Variants in AFF2 observed in about 807,000 individuals in gnomAD.
AFF2 encodes the protein AF4/FMR2 family member 2.
Under a neutral mutation model 76.9 loss-of-function variants are expected in AFF2, and 14 were observed. The observed-to-expected ratio is 0.18, with a 90% CI of 0.12 to 0.28. The LOEUF is 0.28. AFF2 is among the 10% of genes least tolerant of loss of function. The pLI is 1.00. For missense variants in AFF2, 868 were observed against 1,001.1 expected, an observed-to-expected ratio of 0.87 and a Z score of 1.79; for synonymous variants, 398 against 366.7, an observed-to-expected ratio of 1.09 and a Z score of -0.98.
Position 148,662,045 on chromosome X carries a change from C to T in AFF2, c.318C>T (p.Pro106=). 8.3e-7 allele frequency: 1 copy of T among 1,210,894 alleles called. No individual in the cohort carries two copies. The highest frequency in any genetic ancestry group is 1.1e-6 in the Non-Finnish European group (1 of 894,778). The change falls in exon 3 of 21, where the codon CCC becomes CCT. Residue 106 remains proline (P), a synonymous_variant. Transcript: ENST00000370460. ...CAAAGAATTCTGTGCCCCAGAATCC[C>T]AACAACAAAAATGAACCAAGCTTTT... ...GIPKNSVPQN[P]NNKNEPSFFP...
At chrX:148,766,069 A>G (rs1241640463) in intron 3 of AFF2, among the ~76,000 whole-genome samples, 5 of 110,335 alleles carry the variant, frequency 4.5e-5, no homozygotes, top group Non-Finnish European at 9.5e-5. Flanking sequence ...ATTCCATGGT[A>G]TATATGTGCC....
At chrX:148,757,105 G>C (rs781986444) in intron 3 of AFF2, among the ~76,000 whole-genome samples, 49 of 112,396 alleles carry the variant, frequency 4.4e-4, no homozygotes, top group Non-Finnish European at 2.1e-4. Context: ...AGTACTGGCC[G>C]CCATGGCCAG....
intron 8 of AFF2, among the ~76,000 whole-genome samples, chrX:148,901,392 A>G (rs2071352904): frequency 3.6e-5 from 4 of 112,553 alleles, no homozygotes; most frequent in African/African-American, 1.3e-4. Flanking sequence ...TTTTAAAAGC[A>G]TATAGACGTT....
At chrX:148,772,774 T>C (rs180684323) in intron 3 of AFF2, among the ~76,000 whole-genome samples, 4 of 111,496 alleles carry the variant, frequency 3.6e-5, no homozygotes. Flanking sequence ...TATTTTACAT[T>C]GTCATGGAGT....
chrX:148,527,815 A>G (rs1557235418), intron 1 of AFF2, among the ~76,000 whole-genome samples: 1 of 111,822 alleles, frequency 8.9e-6, no homozygotes, highest in Non-Finnish European at 1.9e-5. Context: ...GGTCCCTTCT[A>G]AGTCACCTGA....
At chrX:148,548,585 C>A (rs781913618) in intron 1 of AFF2, among the ~76,000 whole-genome samples, 1 of 111,586 alleles carries the variant, frequency 9.0e-6, no homozygotes, top group East Asian at 2.8e-4. Flanking sequence ...CAGGCATGTG[C>A]CACCACACCA....
intron 3 of AFF2, among the ~76,000 whole-genome samples, chrX:148,800,215 ACT>A (rs2070039044): frequency 8.9e-6 from 1 of 111,920 alleles, no homozygotes; most frequent in African/African-American, 3.2e-5. Flanking sequence ...AGCAATTGTA[ACT>A]CTGTTTCTGT....
chrX:148,912,901 A>G (rs1160265153), intron 9 of AFF2, among the ~76,000 whole-genome samples: 1 of 112,718 alleles, frequency 8.9e-6, no homozygotes, highest in East Asian at 2.8e-4. Context: ...CAAGATAATG[A>G]GGCACCCTCA....
intron 3 of AFF2, among the ~76,000 whole-genome samples, chrX:148,743,736 G>A (rs1433991172): frequency 9.0e-6 from 1 of 111,340 alleles, no homozygotes; most frequent in Non-Finnish European, 1.9e-5. Flanking sequence ...GAGCTCTAAT[G>A]AGGTCTTTAA....
intron 1 of AFF2, among the ~76,000 whole-genome samples, chrX:148,539,279 T>G (rs1397729561): frequency 9.0e-6 from 1 of 111,226 alleles, no homozygotes; most frequent in Non-Finnish European, 1.9e-5. Context: ...CCCTCCCCAT[T>G]TTATGGATGA....
intron 4 of AFF2, among the ~76,000 whole-genome samples, chrX:148,831,047 C>A (rs2070448140): frequency 8.9e-6 from 1 of 112,387 alleles, no homozygotes; most frequent in Non-Finnish European, 1.9e-5. Flanking sequence ...GTGATATTTT[C>A]CTATTTGCTT....
At chrX:148,666,931 A>G (rs2054366555) in intron 3 of AFF2, among the ~76,000 whole-genome samples, 1 of 112,514 alleles carries the variant, frequency 8.9e-6, no homozygotes, top group Non-Finnish European at 1.9e-5. Context: ...TGTTATTAGT[A>G]TAGCTTGCCA....
intron 1 of AFF2, among the ~76,000 whole-genome samples, chrX:148,515,398 A>C (rs983790453): frequency 8.9e-6 from 1 of 112,459 alleles, no homozygotes; most frequent in African/African-American, 3.2e-5. Context: ...TGCTTTAGCT[A>C]ATAAAGCCAT....
chrX:148,846,593 G>A (rs990208785), intron 7 of AFF2, among the ~76,000 whole-genome samples: 82 of 111,468 alleles, frequency 7.4e-4, no homozygotes, highest in African/African-American at 2.6e-3. Context: ...AAGACCAGAA[G>A]TTGGTCTCCC....
chrX:148,904,631 T>C (rs1302313196), intron 9 of AFF2, among the ~76,000 whole-genome samples: 1 of 112,485 alleles, frequency 8.9e-6, no homozygotes, highest in Non-Finnish European at 1.9e-5. Flanking sequence ...GAGACATAAA[T>C]GACTGAAAGT....
chrX:148,642,589 T>G (rs1242389277), intron 1 of AFF2, among the ~76,000 whole-genome samples: 12 of 111,857 alleles, frequency 1.1e-4, no homozygotes, highest in Admixed American at 9.5e-4. Context: ...CTGTGTAAGT[T>G]GGCTGCAGAA....
intron 7 of AFF2, among the ~76,000 whole-genome samples, chrX:148,851,864 C>A (rs1387106802): frequency 9.1e-6 from 1 of 109,730 alleles, no homozygotes; most frequent in African/African-American, 3.3e-5. Context: ...TTTCTGCTCC[C>A]CTCCCTCCTC....
chrX:148,837,511 G>A, intron 4 of AFF2, 136 bp from the exon 5 acceptor site: 1 of 390,321 alleles, frequency 2.6e-6, no homozygotes, highest in South Asian at 4.9e-5. Flanking sequence ...TGGTCCAAAT[G>A]ACTTTAAATT....
In AFF2 at chrX:148,943,126, T is replaced by TA. The variant is rs782363919; in HGVS notation, c.1398-10453dup. Among the ~76,000 whole-genome samples, 446 of 112,021 alleles carry TA rather than the reference T, an allele frequency of 4.0e-3. 3 individuals are homozygous for TA. Among genetic ancestry groups the TA allele is most frequent in the African/African-American group, 0.014 (433 of 30,854 alleles). ...GTACATCATCCACTTCTCTTGGCAATATGTTGTGTTGCTGCCTTGTGAGGG... is the reference window on the plus strand; with the variant it reads ...GTACATCATCCACTTCTCTTGGCAATAATGTTGTGTTGCTGCCTTGTGAGGG... On this transcript the variant is annotated intron_variant, in intron 9 of 20. Transcript: ENST00000370460.
Sources: allele counts gnomAD v4.1 joint callset (sites outside exome capture counted in the v4.1 genomes callset), GRCh38; gene constraint gnomAD v4.1.1; transcripts MANE v1.5; gene names NCBI Gene and HGNC (gene_info 2026-07-23, HGNC 2026-07-21).